Variants in VPS53 observed in about 807,000 individuals in gnomAD.
VPS53 encodes the protein vacuolar protein sorting-associated protein 53 homolog.
Under a neutral mutation model 107.0 loss-of-function variants are expected in VPS53, and 70 were observed. The ratio of observed to expected loss-of-function variants is 0.65; its 90% CI spans 0.54 to 0.80. The LOEUF is 0.80. VPS53 is among the 30% of genes least tolerant of loss of function. VPS53 has a pLI of 0.00. For missense variants in VPS53, 917 were observed against 1,049.4 expected (o/e 0.87, Z 1.74); for synonymous variants, 409 against 393.3 (o/e 1.04, Z -0.47).
Position 517,257 on chromosome 17 carries a change from C to T in VPS53, c.*1871G>A, listed in dbSNP as rs575897433. On this transcript the variant is annotated 3_prime_UTR_variant, in exon 22 of 22. Transcript: ENST00000437048. ...TTCTCGCAACACTTCTTTTCTCCTC[C>T]GCATTCTCAAATTTGAGACGCTTGA... 282 of 391,424 alleles carry T rather than the reference C, an allele frequency of 7.2e-4. No individual in the cohort carries two copies. The highest frequency in any genetic ancestry group is 5.4e-3 in the African/African-American group (261 of 48,590). The allele number at this position is 391,424 out of a possible 1,614,324, so 24.2% of individuals were successfully genotyped here.
rs573707788 is a variant in VPS53 at position 661,546 on chromosome 17, A to G, written c.372+263T>C. Among the ~76,000 whole-genome samples the G allele has an allele frequency of 2.0e-5, 3 of 150,752 alleles. No individual in the cohort carries two copies. In the South Asian group the frequency reaches 6.2e-4, roughly 31 times the overall value. On this transcript the variant is annotated intron_variant, in intron 5 of 21. Transcript: ENST00000437048. ...AAAAAAAAAAAAAAAAATACCCAAA[A>G]AACAAAACAAAACAAAACAAAAAAG... is the stretch of plus-strand genomic sequence containing the variant.
intron 12 of VPS53, among the ~76,000 whole-genome samples, chr17:592,489 T>C (rs1967715944): frequency 6.6e-6 from 1 of 152,214 alleles, no homozygotes; most frequent in African/African-American, 2.4e-5. Flanking sequence ...GTAGTCTTGA[T>C]GGTCTTTACA....
chr17:684,905 T>C (rs1263192816), intron 4 of VPS53: 2 of 152,118 alleles, frequency 1.3e-5, no homozygotes, highest in Non-Finnish European at 2.9e-5. Context: ...GGAGAATCAC[T>C]TGAACCTAGG....
intron 4 of VPS53, among the ~76,000 whole-genome samples, chr17:688,777 C>T (rs1446578969): frequency 6.6e-6 from 1 of 152,194 alleles, no homozygotes; most frequent in Non-Finnish European, 1.5e-5. Context: ...GACTGTGAGC[C>T]CGAATCAAAA....
chr17:584,113 C>A (rs1021876411), intron 13 of VPS53, among the ~76,000 whole-genome samples: 1 of 152,244 alleles, frequency 6.6e-6, no homozygotes, highest in Non-Finnish European at 1.5e-5. Flanking sequence ...TCCTGAAGAA[C>A]TTCCCTCAGG....
chr17:714,718 C>T lies in VPS53; in HGVS notation c.-9G>A. 1 of 1,613,430 alleles carries T rather than the reference C, an allele frequency of 6.2e-7. No homozygotes were observed. The highest frequency in any genetic ancestry group is 8.5e-7 in the Non-Finnish European group (1 of 1,179,774). On this transcript the variant is annotated 5_prime_UTR_variant, in exon 1 of 22. Coordinates refer to ENST00000437048, the MANE Select transcript of VPS53 (RefSeq NM_001128159.3). The stretch of plus-strand genomic sequence containing the variant: ...TCCTCCTCCTCCATCATTCCGCCAC[C>T]CGGCCCCCTGCCGACCCCCGCCGCG...
chr17:653,359 A>G lies in VPS53; in HGVS notation c.540T>C (p.Gly180=). 6.2e-7 allele frequency: 1 copy of G among 1,614,268 alleles called. No homozygotes were observed. Among genetic ancestry groups the G allele is most frequent in the East Asian group, 2.2e-5 (1 of 44,890 alleles). Residue 180 remains glycine, a synonymous_variant, in exon 7 of 22, where the codon GGT becomes GGC. Transcript: ENST00000437048. Reference sequence around the variant, plus strand: ...GGAAGTGCTCCAGGACATTCATCACACCCTGAAGGAGATTAGCAACTTCTC... The same window carrying G: ...GGAAGTGCTCCAGGACATTCATCACGCCCTGAAGGAGATTAGCAACTTCTC... ...QYGEVANLLQ[G]VMNVLEHFHK...
In VPS53 at chr17:619,038, C is replaced by A. The variant is rs183180270; in HGVS notation, c.1116+4495G>T. Among the ~76,000 whole-genome samples the A allele has an allele frequency of 1.8e-3, 254 of 138,910 alleles. 1 individual carries two copies. The highest frequency in any genetic ancestry group is 6.6e-3 in the African/African-American group (244 of 37,052). 91.1% of individuals were successfully genotyped at this position (138,910 alleles called of 152,430 possible). A position where few individuals can be genotyped will look rare whatever the true frequency, so the allele number is the denominator to read the frequency against. On this transcript the variant is annotated intron_variant, in intron 11 of 21. Coordinates refer to ENST00000437048, the MANE Select transcript of VPS53 (RefSeq NM_001128159.3). ...CTGGGACTACAGGCGCACACCACCA[C>A]GCCCCGCTAATATTTCCCGGGTAGC... is the stretch of plus-strand genomic sequence containing the variant.
At chr17:691,329 C>G (rs1972768172) in intron 4 of VPS53, among the ~76,000 whole-genome samples, 2 of 152,176 alleles carry the variant, frequency 1.3e-5, no homozygotes, top group South Asian at 4.1e-4. Flanking sequence ...ACAACTAAAG[C>G]TATAAAACTG....
intron 19 of VPS53, among the ~76,000 whole-genome samples, chr17:529,038 C>T (rs1597248698): frequency 6.6e-6 from 1 of 152,162 alleles, no homozygotes; most frequent in South Asian, 2.1e-4. Context: ...CTAATTTCAC[C>T]AAATCCTCTT....
chr17:672,153 A>ACACACTC (rs1193028603), intron 4 of VPS53, among the ~76,000 whole-genome samples: 4 of 58,364 alleles, frequency 6.9e-5, no homozygotes, highest in Non-Finnish European at 1.1e-4. Flanking sequence ...CACACACACA[A>ACACACTC]TCTCTCTCTC....
At chr17:671,364 AAAG>A (rs1971940237) in intron 4 of VPS53, among the ~76,000 whole-genome samples, 1 of 151,884 alleles carries the variant, frequency 6.6e-6, no homozygotes. Flanking sequence ...GAAAGAAAAG[AAAG>A]AAAAGAGAAA....
At chr17:697,326 T>C (rs1045221946) in intron 4 of VPS53, 92 bp downstream of exon 4, 1 of 1,051,308 alleles carries the variant, frequency 9.5e-7, no homozygotes, top group Admixed American at 1.7e-5. Flanking sequence ...AATCGGAAAG[T>C]GCTCTGCAAG....
intron 7 of VPS53, among the ~76,000 whole-genome samples, chr17:647,446 G>A (rs1388659387): frequency 6.6e-6 from 1 of 152,186 alleles, no homozygotes; most frequent in Non-Finnish European, 1.5e-5. Flanking sequence ...TATCTATCAT[G>A]CAAATGAAGA....
At chr17:535,528 T>A (rs1040605712) in intron 18 of VPS53, among the ~76,000 whole-genome samples, 3 of 151,562 alleles carry the variant, frequency 2.0e-5, no homozygotes, top group African/African-American at 4.9e-5. Flanking sequence ...ATGACTGAGC[T>A]GGGAGACGCT....
intron 15 of VPS53, among the ~76,000 whole-genome samples, chr17:555,274 C>G (rs1912227487): frequency 6.6e-6 from 1 of 152,192 alleles, no homozygotes. Context: ...CCCTCAGGAC[C>G]TTCATACTTC....
At position 627,264 on chromosome 17, in the gene VPS53, A is replaced by C; in HGVS notation, c.884T>G (p.Leu295Arg). The change falls in exon 10 of 22, where the codon CTT becomes CGT. Residue 295 changes from leucine (L) to arginine (R), a missense_variant. By Grantham distance (102) the Leu-to-Arg change is moderately radical (BLOSUM62 -2). Transcript: ENST00000437048. ...GCCGTATTTCTCCTCATAGTCCACA[A>C]GCTGGCGTTTTATCCAGGCATAGCG... ...DRRYAWIKRQ[L>R]VDYEEKYGRM... The C allele has an allele frequency of 1.2e-6, 2 of 1,614,094 alleles. No homozygotes were observed. The highest frequency in any genetic ancestry group is 1.7e-6 in the Non-Finnish European group (2 of 1,180,008).
At chr17:713,429 G>C (rs1300599476) in intron 1 of VPS53, among the ~76,000 whole-genome samples, 1 of 152,040 alleles carries the variant, frequency 6.6e-6, no homozygotes, top group Non-Finnish European at 1.5e-5. Context: ...GAGGCGGGCG[G>C]ATAGCCTGAG....
intron 5 of VPS53, among the ~76,000 whole-genome samples, chr17:658,977 G>A (rs1971332164): frequency 6.6e-6 from 1 of 151,822 alleles, no homozygotes; most frequent in Non-Finnish European, 1.5e-5. Flanking sequence ...TCTTTCATGG[G>A]GACTTCCCCA....
Sources: gnomAD v4.1 joint callset for allele counts (sites outside exome capture counted in the v4.1 genomes callset) on GRCh38, gnomAD v4.1.1 for gene constraint, MANE v1.5 for transcripts, NCBI Gene and HGNC (gene_info 2026-07-23, HGNC 2026-07-21) for gene names.